ATP8A2: variants seen among roughly 807,000 people sequenced by gnomAD.
The protein encoded by ATP8A2 is phospholipid-transporting ATPase IB.
In ATP8A2, 100 loss-of-function variants were observed where a neutral mutation model predicts 165.6. The observed-to-expected ratio is 0.60, with a 90% CI of 0.51 to 0.71. The LOEUF (loss-of-function observed/expected upper bound fraction) is 0.71. Among genes scored for constraint, ATP8A2 ranks in the 30% least tolerant of loss-of-function variants. ATP8A2 has a pLI of 0.00. For synonymous variants in ATP8A2, 543 were observed against 548.8 expected (o/e 0.99, Z 0.15); for missense variants, 1,227 against 1,479.5 (o/e 0.83, Z 2.80).
At chr13:25,408,836 A>T (rs1479176478) in intron 1 of ATP8A2, among the ~76,000 whole-genome samples, 1 of 152,228 alleles carries the variant, frequency 6.6e-6, no homozygotes, top group Admixed American at 6.5e-5. Flanking sequence ...CTGATTGTAG[A>T]TGCAGAACAA....
chr13:25,668,683 T>C (rs765260682), intron 24 of ATP8A2, among the ~76,000 whole-genome samples: 10 of 152,202 alleles, frequency 6.6e-5, no homozygotes, highest in Non-Finnish European at 1.3e-4. Flanking sequence ...CTTGATAGTA[T>C]ACCACAGGTC....
intron 1 of ATP8A2, among the ~76,000 whole-genome samples, chr13:25,433,548 G>A (rs1566129247): frequency 1.3e-5 from 2 of 152,222 alleles, no homozygotes; most frequent in East Asian, 3.9e-4. Context: ...TGTTGGGATT[G>A]CAGGTATGAG....
chr13:25,736,243 A>G (rs1197421443), intron 25 of ATP8A2, among the ~76,000 whole-genome samples: 4 of 152,194 alleles, frequency 2.6e-5, no homozygotes, highest in Admixed American at 6.5e-5. Context: ...GCGTGACTAC[A>G]TTCCAAGGGT....
At chr13:25,977,123 A>G (rs1046726870) in intron 35 of ATP8A2, among the ~76,000 whole-genome samples, 5 of 144,484 alleles carry the variant, frequency 3.5e-5, no homozygotes, top group African/African-American at 1.3e-4. Context: ...TCACATTTTG[A>G]TATGGCTCAG....
At chr13:25,414,191 T>G (rs73168570) in intron 1 of ATP8A2, among the ~76,000 whole-genome samples, 32,531 of 125,486 alleles carry the variant, frequency 0.26, 4,020 homozygotes, top group East Asian at 0.53. Context: ...GTGGTGTTTT[T>G]TTTTTTTTTT....
intron 25 of ATP8A2, among the ~76,000 whole-genome samples, chr13:25,741,667 A>G (rs1454119652): frequency 1.3e-5 from 2 of 151,996 alleles, no homozygotes; most frequent in Admixed American, 6.6e-5. Flanking sequence ...ATGAGCCACC[A>G]TATCTGGCCA....
intron 24 of ATP8A2, among the ~76,000 whole-genome samples, chr13:25,649,371 T>C (rs1206592518): frequency 6.6e-6 from 1 of 152,164 alleles, no homozygotes; most frequent in African/African-American, 2.4e-5. Context: ...GTGTGTTCTC[T>C]GCTCAAGTGG....
intron 33 of ATP8A2, among the ~76,000 whole-genome samples, chr13:25,925,733 T>C (rs1263700178): frequency 4.8e-5 from 7 of 145,156 alleles, no homozygotes; most frequent in Admixed American, 4.8e-4. Context: ...TGTCAATCTT[T>C]TTTTTTTTTT....
chr13:25,440,406 C>G (rs1170384522), intron 1 of ATP8A2, among the ~76,000 whole-genome samples: 1 of 152,190 alleles, frequency 6.6e-6, no homozygotes, highest in African/African-American at 2.4e-5. Context: ...CTGTATAACT[C>G]TCTACCATCC....
chr13:25,564,087 T>C, intron 16 of ATP8A2, 56 bp downstream of exon 16: 1 of 1,265,680 alleles, frequency 7.9e-7, no homozygotes, highest in South Asian at 1.2e-5. Flanking sequence ...CAACTTTCTT[T>C]TATATATGCA....
At chr13:25,820,571 G>T (rs890006895) in intron 27 of ATP8A2, among the ~76,000 whole-genome samples, 2 of 152,138 alleles carry the variant, frequency 1.3e-5, no homozygotes, top group South Asian at 4.1e-4. Context: ...TGTATTGAAG[G>T]CTCTGCGTTT....
chr13:25,860,312 C>T, intron 31 of ATP8A2, 56 bp downstream of exon 31: 1 of 1,107,710 alleles, frequency 9.0e-7, no homozygotes, highest in Non-Finnish European at 1.4e-6. Context: ...GTGGCTTGCA[C>T]TTCTCTAAAC....
chr13:25,741,525 G>A (rs1421986404), intron 25 of ATP8A2, among the ~76,000 whole-genome samples: 2 of 151,918 alleles, frequency 1.3e-5, no homozygotes, highest in Non-Finnish European at 2.9e-5. Flanking sequence ...GGGTATATAG[G>A]TGCACACCAC....
At chr13:25,648,672 A>C (rs746352778) in intron 24 of ATP8A2, among the ~76,000 whole-genome samples, 4 of 152,152 alleles carry the variant, frequency 2.6e-5, no homozygotes, top group African/African-American at 4.8e-5. Context: ...CAAAACCAAA[A>C]CAAAACAAAA....
chr13:25,630,083 C>A (rs1002201268), intron 24 of ATP8A2, among the ~76,000 whole-genome samples: 1 of 122,966 alleles, frequency 8.1e-6, no homozygotes, highest in African/African-American at 3.2e-5. Context: ...TTTTGTCCCC[C>A]CCCCACCACC....
chr13:25,407,156 T>A (rs1263722603), intron 1 of ATP8A2, among the ~76,000 whole-genome samples: 2 of 152,138 alleles, frequency 1.3e-5, no homozygotes, highest in East Asian at 1.9e-4. Flanking sequence ...AAGAAAAGAT[T>A]CTATCATTAA....
intron 2 of ATP8A2, among the ~76,000 whole-genome samples, chr13:25,477,321 T>G (rs2036022759): frequency 6.6e-6 from 1 of 152,244 alleles, no homozygotes; most frequent in Non-Finnish European, 1.5e-5. Context: ...TGCTGTGAAC[T>G]TGGAAGCATT....
intron 24 of ATP8A2, among the ~76,000 whole-genome samples, chr13:25,636,625 A>T (rs1841707798): frequency 2.0e-5 from 3 of 152,168 alleles, no homozygotes. Context: ...TGAACCTGAC[A>T]TCCAACTAGG....
chr13:25,999,083 A>G (rs112003471), intron 35 of ATP8A2, among the ~76,000 whole-genome samples: 6 of 152,248 alleles, frequency 3.9e-5, no homozygotes, highest in African/African-American at 1.4e-4. Flanking sequence ...GAGACACAAC[A>G]TAAGAAGAGA....
Sources: allele counts gnomAD v4.1 joint callset (sites outside exome capture counted in the v4.1 genomes callset), GRCh38; gene constraint gnomAD v4.1.1; transcripts MANE v1.5; gene names NCBI Gene and HGNC (gene_info 2026-07-23, HGNC 2026-07-21).